The following POU6F2 variants were observed in gnomAD, a reference collection of about 807,000 sequenced individuals.
The protein encoded by POU6F2 is POU domain, class 6, transcription factor 2.
Under a neutral mutation model 71.3 loss-of-function variants are expected in POU6F2, and 31 were observed. The ratio of observed to expected loss-of-function variants is 0.43; its 90% CI spans 0.33 to 0.59. The LOEUF is 0.59. POU6F2 is among the 20% of genes least tolerant of loss of function. The pLI is 0.04. For synonymous variants in POU6F2, 347 were observed against 355.7 expected, an observed-to-expected ratio of 0.98 and a Z score of 0.27; for missense variants, 783 against 856.8, an observed-to-expected ratio of 0.91 and a Z score of 1.07.
chr7:39,299,216 T>C (rs1392579028), intron 4 of POU6F2, among the ~76,000 whole-genome samples: 1 of 152,144 alleles, frequency 6.6e-6, no homozygotes, highest in African/African-American at 2.4e-5. Flanking sequence ...TTTAAAAAAT[T>C]TAAACTACCC....
At chr7:39,146,730 A>G (rs1028276175) in intron 2 of POU6F2, among the ~76,000 whole-genome samples, 2 of 152,062 alleles carry the variant, frequency 1.3e-5, no homozygotes, top group Non-Finnish European at 2.9e-5. Context: ...GATAGAAATT[A>G]TTTTATTTCT....
At position 39,460,616 on chromosome 7, in the gene POU6F2, T is replaced by A; in HGVS notation, c.1559T>A (p.Phe520Tyr). ...LEEIREFAKA[F>Y]KIRRLSLGLT... ...GAGATCCGAGAATTTGCCAAAGCTT[T>A]TAAAATCCGGCGCCTGTCCCTTGGC... is the stretch of plus-strand genomic sequence containing the variant. Residue 520 changes from phenylalanine (F) to tyrosine (Y), a missense_variant, in exon 9 of 10, where the codon TTT becomes TAT. Transcript: ENST00000518318. This position sits in a 1 kb window ranked among gnomAD's most constrained non-coding sequence, Gnocchi z 4.4. The A allele has an allele frequency of 6.2e-7, 1 of 1,612,200 alleles. No homozygotes were observed.
At chr7:39,140,500 C>A (rs1376064089) in intron 2 of POU6F2, among the ~76,000 whole-genome samples, 1 of 152,188 alleles carries the variant, frequency 6.6e-6, no homozygotes, top group Non-Finnish European at 1.5e-5. Context: ...AGGGGACAAT[C>A]TGTTCCTCTT....
intron 2 of POU6F2, among the ~76,000 whole-genome samples, chr7:39,123,862 GTAAC>G (rs1356325784): frequency 6.6e-6 from 1 of 151,816 alleles, no homozygotes; most frequent in Non-Finnish European, 1.5e-5. Flanking sequence ...GAAAAATCAA[GTAAC>G]TAGTAGTAAA....
chr7:39,172,047 T>C (rs1354583764), intron 2 of POU6F2, among the ~76,000 whole-genome samples: 1 of 152,200 alleles, frequency 6.6e-6, no homozygotes, highest in Non-Finnish European at 1.5e-5. Flanking sequence ...GAACACTTGC[T>C]CCTTTTAGAG....
chr7:39,030,398 T>C (rs1465705522), intron 1 of POU6F2, among the ~76,000 whole-genome samples: 2 of 149,668 alleles, frequency 1.3e-5, no homozygotes, highest in African/African-American at 4.9e-5. Context: ...TTGGGCATCC[T>C]CTCTTTTTGT....
chr7:39,450,326 C>A (rs1030566540), intron 7 of POU6F2, among the ~76,000 whole-genome samples: 5 of 152,164 alleles, frequency 3.3e-5, no homozygotes, highest in African/African-American at 1.2e-4. Flanking sequence ...CCTTGCTACA[C>A]CTCTGTGAGA....
intron 5 of POU6F2, among the ~76,000 whole-genome samples, chr7:39,392,853 G>A (rs1787101778): frequency 6.6e-6 from 1 of 152,188 alleles, no homozygotes; most frequent in Non-Finnish European, 1.5e-5. Context: ...TAAGTGCACA[G>A]CCAAACATTT....
At chr7:39,272,156 C>A (rs532722480) in intron 4 of POU6F2, among the ~76,000 whole-genome samples, 1 of 152,218 alleles carries the variant, frequency 6.6e-6, no homozygotes, top group East Asian at 1.9e-4. Context: ...GGGAAGAAAC[C>A]ATTCAGTGGT....
rs190814697 is a variant in POU6F2, at chr7:39,180,200, G to C, written c.278-24035G>C. 2.0e-5 allele frequency among the ~76,000 whole-genome samples: 3 copies of C among 152,260 alleles called. No homozygotes were observed. In the East Asian group the frequency reaches 5.8e-4, roughly 29 times the overall value. On this transcript the variant is annotated intron_variant, in intron 2 of 9. Coordinates refer to ENST00000518318, the MANE Select transcript of POU6F2 (RefSeq NM_001370959.1). ...GACAGAAGCAAATACGCCCAGGTGTGTATCCATGCATTCAGAGAGCCAAAG... is the reference window on the plus strand; with the variant it reads ...GACAGAAGCAAATACGCCCAGGTGTCTATCCATGCATTCAGAGAGCCAAAG...
chr7:39,388,678 C>T (rs565002872), intron 5 of POU6F2, among the ~76,000 whole-genome samples: 10 of 152,166 alleles, frequency 6.6e-5, no homozygotes, highest in Non-Finnish European at 1.3e-4. Flanking sequence ...GTGAATTGAA[C>T]TTCCTGGGCT....
chr7:39,216,211 A>G (rs2128747567), intron 4 of POU6F2, among the ~76,000 whole-genome samples: 1 of 152,326 alleles, frequency 6.6e-6, no homozygotes, highest in Middle Eastern at 3.4e-3. Flanking sequence ...TCCAACAGTC[A>G]TTGCATTAAC....
At chr7:39,029,500 G>A (rs916344492) in intron 1 of POU6F2, among the ~76,000 whole-genome samples, 2 of 151,124 alleles carry the variant, frequency 1.3e-5, no homozygotes, top group African/African-American at 4.9e-5. Context: ...GGGAGGGGGG[G>A]GTGGATGATG....
At chr7:39,414,538 C>T (rs1346690576) in intron 6 of POU6F2, among the ~76,000 whole-genome samples, 2 of 152,108 alleles carry the variant, frequency 1.3e-5, no homozygotes, top group Non-Finnish European at 2.9e-5. Flanking sequence ...GCTGTTGAGC[C>T]CCGATGCGCA....
intron 2 of POU6F2, among the ~76,000 whole-genome samples, chr7:39,113,384 G>C (rs1791862757): frequency 6.6e-6 from 1 of 152,084 alleles, no homozygotes; most frequent in Admixed American, 6.6e-5. Context: ...ACAGTAATGG[G>C]ACTACTACTT....
rs1326882150 is a variant in POU6F2, at chr7:39,465,617, A to G, written c.*931A>G. On this transcript the variant is annotated 3_prime_UTR_variant, in exon 10 of 10. Coordinates refer to ENST00000518318, the MANE Select transcript of POU6F2 (RefSeq NM_001370959.1). The stretch of plus-strand genomic sequence containing the variant: ...CTCCTGGGGTCTGCTGGAAGGCCAC[A>G]GAAGTGGGGAGAAGCAGTGTCTTTT... 1 of 152,200 alleles carries G rather than the reference A, an allele frequency of 6.6e-6. No individual in the cohort carries two copies. The highest frequency in any genetic ancestry group is 1.5e-5 in the Non-Finnish European group (1 of 68,030). 9.4% of individuals were successfully genotyped at this position (152,200 alleles called of 1,614,324 possible).
chr7:39,030,986 CTCCTCCCGGGTTCAAGCGATTCTCCT>C (rs1789929203), intron 1 of POU6F2, among the ~76,000 whole-genome samples: 1 of 151,244 alleles, frequency 6.6e-6, no homozygotes, highest in Non-Finnish European at 1.5e-5. Context: ...CCGCAACCTC[CTCCTCCCGGGTTCAAGCGATTCTCCT>C]GCCTCAGCCT....
chr7:39,015,700 T>TATATAGATATATAACATACAGATATA (rs765518595), intron 1 of POU6F2, among the ~76,000 whole-genome samples: 3 of 84,486 alleles, frequency 3.6e-5, no homozygotes, highest in African/African-American at 4.7e-5. Context: ...CTATATATTA[T>TATATAGATATATAACATACAGATATA]ATATATCTAT....
chr7:39,034,270 C>T (rs1212634756), intron 1 of POU6F2: 2 of 172,406 alleles, frequency 1.2e-5, no homozygotes, highest in South Asian at 1.3e-4. Context: ...TAGTCAAAGT[C>T]TGAAGTTGCT....
Sources: allele counts gnomAD v4.1 joint callset (sites outside exome capture counted in the v4.1 genomes callset), GRCh38; gene constraint gnomAD v4.1.1; non-coding constraint Gnocchi (gnomAD v3.1); transcripts MANE v1.5; gene names NCBI Gene and HGNC (gene_info 2026-07-23, HGNC 2026-07-21).